PAPLN: variants seen among roughly 807,000 people sequenced by gnomAD.
The protein encoded by PAPLN is papilin.
In PAPLN, 146 loss-of-function variants were observed where a neutral mutation model predicts 159.0. The ratio of observed to expected loss-of-function variants is 0.92; its 90% CI spans 0.80 to 1.05. The LOEUF (loss-of-function observed/expected upper bound fraction) is 1.05, where lower values mean the gene tolerates loss of function less well. PAPLN is among the 50% of genes least tolerant of loss of function. PAPLN has a pLI of 0.00. For missense variants in PAPLN, 1,720 were observed against 1,743.9 expected (o/e 0.99, Z 0.24); for synonymous variants, 734 against 702.9 (o/e 1.04, Z -0.70).
At chr14:73,251,628 T>C (rs1207415159) in intron 8 of PAPLN, 36 bp from the exon 9 acceptor site, 2 of 1,613,424 alleles carry the variant, frequency 1.2e-6, no homozygotes, top group Admixed American at 3.3e-5. Context: ...GCGGCACTGC[T>C]CCCTCTGGCT....
At chr14:73,267,752 A>G (rs878869) in intron 25 of PAPLN, among the ~76,000 whole-genome samples, 36,737 of 152,134 alleles carry the variant, frequency 0.24, 5,373 homozygotes, top group East Asian at 0.69. Flanking sequence ...CAGTCCAGCC[A>G]TCCCCTGATC....
intron 11 of PAPLN, 31 bp from the exon 12 acceptor site, chr14:73,253,723 G>A (rs759679309): frequency 1.3e-6 from 2 of 1,558,630 alleles, no homozygotes; most frequent in Admixed American, 3.6e-5. Flanking sequence ...ATGCTCCTGG[G>A]CCAGCCTTAC....
rs1193130236 is a variant in PAPLN, at chr14:73,246,444, C to T, written c.334+269C>T. On this transcript the variant is annotated intron_variant, in intron 5 of 26. Coordinates refer to ENST00000644200, the MANE Select transcript of PAPLN (RefSeq NM_001365906.3). Reference sequence around the variant, plus strand: ...TTTTTTTTGGGTGGGCGCGGGGGCTCGCAATGTACAGGAAATCTTGTAGAC... The same window carrying T: ...TTTTTTTTGGGTGGGCGCGGGGGCTTGCAATGTACAGGAAATCTTGTAGAC... Among the ~76,000 whole-genome samples, 5 of 133,802 alleles carry T rather than the reference C, an allele frequency of 3.7e-5. No homozygotes were observed. In the East Asian group the frequency reaches 1.1e-3, roughly 30 times the overall value. The allele number at this position is 133,802 out of a possible 152,430, so 87.8% of individuals were successfully genotyped here.
intron 1 of PAPLN, among the ~76,000 whole-genome samples, chr14:73,239,318 A>G (rs896636897): frequency 6.6e-6 from 1 of 152,232 alleles, no homozygotes; most frequent in African/African-American, 2.4e-5. Flanking sequence ...TAACACTTTT[A>G]GAGCATTTGG....
Position 73,274,551 on chromosome 14 carries a change from T to C in PAPLN, c.*1887T>C, listed in dbSNP as rs796114427. 6 of 152,330 alleles carry C rather than the reference T, an allele frequency of 3.9e-5. No homozygotes were observed. The highest frequency in any genetic ancestry group is 1.4e-4 in the African/African-American group (6 of 41,574). 9.4% of individuals were successfully genotyped at this position (152,330 alleles called of 1,614,324 possible). ...TTTTTCATTTAATACTGGAAAAATATTGAAGAGCATCCATGTTCACTTATG... is the reference window on the plus strand; with the variant it reads ...TTTTTCATTTAATACTGGAAAAATACTGAAGAGCATCCATGTTCACTTATG... On this transcript the variant is annotated 3_prime_UTR_variant, in exon 27 of 27. Transcript: ENST00000644200.
rs1400572200 is a variant in PAPLN, at chr14:73,265,908, G to C, written c.3263+401G>C. Reference sequence around the variant, plus strand: ...CTGTTTTCCCCCCATTTTACACACAGAAGCTTAACATCACACAGCTTATAA... The same window carrying C: ...CTGTTTTCCCCCCATTTTACACACACAAGCTTAACATCACACAGCTTATAA... On this transcript the variant is annotated intron_variant, in intron 23 of 26. Transcript: ENST00000644200. The surrounding 1 kb of genome is among the most constrained non-coding windows in gnomAD (Gnocchi z 4.1). Among the ~76,000 whole-genome samples, 2 of 152,188 alleles carry C rather than the reference G, an allele frequency of 1.3e-5. No homozygotes were observed. The highest frequency in any genetic ancestry group is 2.9e-5 in the Non-Finnish European group (2 of 68,042).
At position 73,265,095 on chromosome 14, in the gene PAPLN, G is replaced by T. The variant is rs1375789521; in HGVS notation, c.3126-275G>T. The stretch of plus-strand genomic sequence containing the variant: ...AACTCAAAGACCTAGTGGCAAATGT[G>T]CAGGGTGGGGGGTGACAGATGGGGA... On this transcript the variant is annotated intron_variant, in intron 22 of 26. Coordinates refer to ENST00000644200, the MANE Select transcript of PAPLN (RefSeq NM_001365906.3). The surrounding 1 kb of genome is among the most constrained non-coding windows in gnomAD (Gnocchi z 4.1). Among the ~76,000 whole-genome samples the T allele has an allele frequency of 1.3e-5, 2 of 152,104 alleles. No individual in the cohort carries two copies. Among genetic ancestry groups the T allele is most frequent in the Non-Finnish European group, 2.9e-5 (2 of 68,006 alleles).
At position 73,253,783 on chromosome 14, in the gene PAPLN, C is replaced by T; in HGVS notation, c.1124C>T (p.Ser375Leu). ...RWKAGPWAPC[S>L]ASCGGGSQSR... ...AAGGCAGGGCCATGGGCACCCTGCT[C>T]AGCCTCCTGTGGAGGAGGCTCCCAG... is the stretch of plus-strand genomic sequence containing the variant. The change falls in exon 12 of 27, where the codon TCA (serine) becomes TTA (leucine). Residue 375 changes from serine (S) to leucine (L), a missense_variant. By Grantham distance (145) the Ser-to-Leu change is moderately radical. Coordinates refer to ENST00000644200, the MANE Select transcript of PAPLN (RefSeq NM_001365906.3). The T allele has an allele frequency of 2.5e-6, 4 of 1,605,352 alleles. No individual in the cohort carries two copies. The highest frequency in any genetic ancestry group is 1.3e-5 in the African/African-American group (1 of 74,886).
rs1055463147 is a variant in PAPLN, at chr14:73,265,152, G to C, written c.3126-218G>C. ...CTGGTGGGTGTGTCTGGCCAGCTGTGGTGGAGGGGCAGGGAGTGGTAGTGG... is the reference window on the plus strand; with the variant it reads ...CTGGTGGGTGTGTCTGGCCAGCTGTCGTGGAGGGGCAGGGAGTGGTAGTGG... On this transcript the variant is annotated intron_variant, in intron 22 of 26. Coordinates refer to ENST00000644200, the MANE Select transcript of PAPLN (RefSeq NM_001365906.3). This position sits in a 1 kb window ranked among gnomAD's most constrained non-coding sequence, Gnocchi z 4.1. Among the ~76,000 whole-genome samples the C allele has an allele frequency of 6.6e-5, 10 of 152,202 alleles. No homozygotes were observed. The highest frequency in any genetic ancestry group is 2.4e-4 in the African/African-American group (10 of 41,450).
intron 25 of PAPLN, among the ~76,000 whole-genome samples, 162 bp downstream of exon 25, chr14:73,266,993 CAAAGCTCTG>C (rs1448938476): frequency 6.6e-6 from 1 of 152,158 alleles, no homozygotes; most frequent in African/African-American, 2.4e-5. Flanking sequence ...CCCTACAGAG[CAAAGCTCTG>C]TAGGGCCACT....
intron 2 of PAPLN, 67 bp downstream of exon 2, chr14:73,239,899 C>T (rs1346691909): frequency 6.1e-6 from 9 of 1,484,368 alleles, no homozygotes; most frequent in Non-Finnish European, 8.0e-6. Flanking sequence ...GACGCGCGGG[C>T]CCGCAGGCAA....
chr14:73,258,116 T>A (rs1315696064), intron 14 of PAPLN, among the ~76,000 whole-genome samples: 1 of 152,216 alleles, frequency 6.6e-6, no homozygotes, highest in Non-Finnish European at 1.5e-5. Context: ...TTTTTAAATA[T>A]GGAATTTTTT....
chr14:73,245,601 C>A lies in PAPLN; in HGVS notation c.171-35C>A, dbSNP rs1169878463. The A allele has an allele frequency of 1.9e-6, 3 of 1,547,676 alleles. No individual in the cohort carries two copies. Among genetic ancestry groups the A allele is most frequent in the South Asian group, 1.2e-5 (1 of 84,100 alleles). ...CAGAACGGGGGCAGGGACGTTGGGTCTCGGTCAGGTCTTCCCGGTGCTCTG... is the reference window on the plus strand; with the variant it reads ...CAGAACGGGGGCAGGGACGTTGGGTATCGGTCAGGTCTTCCCGGTGCTCTG... On this transcript the variant is annotated intron_variant, in intron 3 of 26. Coordinates refer to ENST00000644200, the MANE Select transcript of PAPLN (RefSeq NM_001365906.3). This position sits in a 1 kb window ranked among gnomAD's most constrained non-coding sequence, Gnocchi z 4.2.
At chr14:73,250,651 C>T (rs1202825691) in intron 6 of PAPLN, among the ~76,000 whole-genome samples, 1 of 152,136 alleles carries the variant, frequency 6.6e-6, no homozygotes, top group African/African-American at 2.4e-5. Flanking sequence ...ATTTGGGGAG[C>T]TCCGTTCAAA....
rs759108811 is a variant in PAPLN, at chr14:73,262,349, G to T, written c.2246-1G>T. The T allele has an allele frequency of 8.7e-6, 14 of 1,608,142 alleles. No homozygotes were observed. The Admixed American group carries it at 1.3e-4, about 15-fold the overall frequency. ...ACTTATATCACACCCATGCCCTGCA[G>T]CCTACCCCGTGCGGTGCCTGCTGCC... On this transcript the variant is annotated splice_acceptor_variant, in intron 18 of 26. Coordinates refer to ENST00000644200, the MANE Select transcript of PAPLN (RefSeq NM_001365906.3). LOFTEE classifies it high-confidence loss of function.
intron 14 of PAPLN, among the ~76,000 whole-genome samples, chr14:73,255,727 G>T (rs1405579145): frequency 2.0e-5 from 3 of 152,190 alleles, no homozygotes; most frequent in Admixed American, 1.3e-4. Context: ...TGACTCACTC[G>T]TGATGGGGAC....
At chr14:73,271,808 C>T (rs1406008217) in intron 26 of PAPLN, among the ~76,000 whole-genome samples, 1 of 152,118 alleles carries the variant, frequency 6.6e-6, no homozygotes, top group Non-Finnish European at 1.5e-5. Flanking sequence ...CTGAATGAAA[C>T]TTAATAGGGA....
chr14:73,239,388 C>T (rs1883292668), intron 1 of PAPLN, among the ~76,000 whole-genome samples: 1 of 152,228 alleles, frequency 6.6e-6, no homozygotes, highest in Admixed American at 6.5e-5. Flanking sequence ...AGTTTTTAAA[C>T]ATCTGATGTA....
intron 11 of PAPLN, chr14:73,253,354 C>T (rs2140244562): frequency 9.2e-6 from 8 of 874,206 alleles, no homozygotes; most frequent in East Asian, 6.0e-5. Context: ...CTGCTCTTTC[C>T]TCTGGGTCCT....
Sources: gnomAD v4.1 joint callset for allele counts (sites outside exome capture counted in the v4.1 genomes callset) on GRCh38, gnomAD v4.1.1 for gene constraint, Gnocchi (gnomAD v3.1) non-coding constraint, MANE v1.5 for transcripts, NCBI Gene and HGNC (gene_info 2026-07-23, HGNC 2026-07-21) for gene names.